The following RBFOX1 variants were observed in gnomAD, a reference collection of about 807,000 sequenced individuals.
RBFOX1 encodes RNA binding protein fox-1 homolog 1.
RBFOX1 carries 8 observed loss-of-function variants against 57.7 expected under a neutral mutation model. The observed-to-expected ratio is 0.14, with a 90% CI of 0.08 to 0.25. RBFOX1 has a LOEUF of 0.25. RBFOX1 is among the 10% of genes least tolerant of loss of function. RBFOX1 has a pLI of 1.00. For synonymous variants in RBFOX1, 326 were observed against 222.4 expected (o/e 1.47, Z -4.15); for missense variants, 611 against 548.5 (o/e 1.11, Z -1.14).
At chr16:6,487,351 G>T (rs117776025) in intron 2 of RBFOX1, among the ~76,000 whole-genome samples, 415 of 152,052 alleles carry the variant, frequency 2.7e-3, no homozygotes, top group Middle Eastern at 6.8e-3. Flanking sequence ...TGTTCTTTCT[G>T]TTGAGGTGCT....
At chr16:5,436,515 T>C (rs1335159588) in intron 1 of RBFOX1, among the ~76,000 whole-genome samples, 1 of 152,192 alleles carries the variant, frequency 6.6e-6, no homozygotes, top group Non-Finnish European at 1.5e-5. Context: ...CTTTTTTACA[T>C]CTAAAACAGA....
At chr16:5,510,687 T>C (rs938894116) in intron 2 of RBFOX1, among the ~76,000 whole-genome samples, 1 of 152,134 alleles carries the variant, frequency 6.6e-6, no homozygotes, top group African/African-American at 2.4e-5. Context: ...AGCTACTGCA[T>C]TTAAAGCTCT....
At chr16:5,464,059 G>C (rs1311003458) in intron 1 of RBFOX1, among the ~76,000 whole-genome samples, 1 of 152,202 alleles carries the variant, frequency 6.6e-6, no homozygotes, top group Non-Finnish European at 1.5e-5. Flanking sequence ...GAGGGAATCA[G>C]GAGGTGCCAG....
chr16:6,360,510 C>G (rs1489005382), intron 2 of RBFOX1, among the ~76,000 whole-genome samples: 2 of 152,146 alleles, frequency 1.3e-5, no homozygotes, highest in Non-Finnish European at 2.9e-5. Context: ...TTATAGTTGA[C>G]ATTTACACAG....
intron 1 of RBFOX1, among the ~76,000 whole-genome samples, chr16:5,347,448 G>A (rs1234529444): frequency 1.3e-5 from 2 of 152,072 alleles, no homozygotes; most frequent in Non-Finnish European, 2.9e-5. Flanking sequence ...AAATGACAAA[G>A]CACTAAATAA....
intron 1 of RBFOX1, among the ~76,000 whole-genome samples, chr16:5,284,296 G>A (rs544512766): frequency 2.6e-5 from 4 of 152,252 alleles, no homozygotes; most frequent in South Asian, 2.1e-4. Context: ...TAATACACCC[G>A]TGTTCCTTTT....
chr16:6,075,332 A>G (rs1310288542), intron 1 of RBFOX1, among the ~76,000 whole-genome samples: 3 of 152,186 alleles, frequency 2.0e-5, no homozygotes, highest in Non-Finnish European at 2.9e-5. Context: ...AGAAATACTC[A>G]TTTATTCATC....
chr16:6,538,497 A>C (rs1485759141), intron 2 of RBFOX1, among the ~76,000 whole-genome samples: 1 of 152,194 alleles, frequency 6.6e-6, no homozygotes, highest in African/African-American at 2.4e-5. Context: ...ATCTCAAAAC[A>C]AAAAAGCAAA....
chr16:7,686,976 T>C (rs932072928), intron 14 of RBFOX1, among the ~76,000 whole-genome samples: 4 of 152,118 alleles, frequency 2.6e-5, no homozygotes, highest in Non-Finnish European at 4.4e-5. Flanking sequence ...ACAGACCTTA[T>C]CTTCTTTCTG....
intron 1 of RBFOX1, among the ~76,000 whole-genome samples, chr16:6,269,643 C>T (rs1286676609): frequency 1.3e-5 from 2 of 152,044 alleles, no homozygotes; most frequent in Non-Finnish European, 2.9e-5. Context: ...GTGAAAATCT[C>T]CTTCGGAGAT....
intron 2 of RBFOX1, among the ~76,000 whole-genome samples, chr16:5,512,563 C>T (rs2043639955): frequency 6.6e-6 from 1 of 152,176 alleles, no homozygotes; most frequent in African/African-American, 2.4e-5. Flanking sequence ...AGCTCTGTGA[C>T]CTAGGGCAAT....
At chr16:6,878,502 G>A (rs1411303719) in intron 3 of RBFOX1, among the ~76,000 whole-genome samples, 2 of 152,168 alleles carry the variant, frequency 1.3e-5, no homozygotes, top group African/African-American at 4.8e-5. Context: ...ATATGAGCAA[G>A]AAATAAACTT....
intron 3 of RBFOX1, among the ~76,000 whole-genome samples, chr16:6,696,881 A>T (rs1403045579): frequency 6.6e-6 from 1 of 152,220 alleles, no homozygotes; most frequent in East Asian, 1.9e-4. Context: ...TTACTAAAGC[A>T]CATGTTTAAG....
intron 4 of RBFOX1, among the ~76,000 whole-genome samples, chr16:7,214,597 A>G (rs1183194721): frequency 1.3e-5 from 2 of 152,054 alleles, no homozygotes; most frequent in Admixed American, 1.3e-4. Context: ...GTCTGCAGCC[A>G]GAGTAATAAC....
rs796114360 is a variant in RBFOX1 at position 5,633,164 on chromosome 16, C to G, written c.318+34203C>G. ...ATATTGGCCAGGCTGGTCTCGAACT[C>G]CTGACCTCGTGATCCAGCTGCCTCG... On this transcript the variant is annotated intron_variant, in intron 3 of 19. Transcript: ENST00000641259. 4.6e-4 allele frequency among the ~76,000 whole-genome samples: 70 copies of G among 152,144 alleles called. 1 individual carries two copies. Among genetic ancestry groups the G allele is most frequent in the African/African-American group, 1.5e-3 (64 of 41,514 alleles).
intron 4 of RBFOX1, among the ~76,000 whole-genome samples, chr16:7,448,500 T>A (rs2098825762): frequency 6.6e-6 from 1 of 152,134 alleles, no homozygotes; most frequent in Non-Finnish European, 1.5e-5. Context: ...TCAGCTCTCA[T>A]AAGACTAACT....
At chr16:5,335,060 C>G (rs148864745) in intron 1 of RBFOX1, among the ~76,000 whole-genome samples, 5 of 152,236 alleles carry the variant, frequency 3.3e-5, no homozygotes, top group South Asian at 2.1e-4. Flanking sequence ...AAAGTTGTTT[C>G]AATTTCTGTG....
At chr16:6,856,840 G>A (rs1297780190) in intron 3 of RBFOX1, among the ~76,000 whole-genome samples, 12 of 152,060 alleles carry the variant, frequency 7.9e-5, no homozygotes, top group Admixed American at 7.9e-4. Flanking sequence ...CTGATTGACA[G>A]ATCCCTTAAT....
At chr16:6,972,377 T>G (rs2085771998) in intron 3 of RBFOX1, among the ~76,000 whole-genome samples, 1 of 152,148 alleles carries the variant, frequency 6.6e-6, no homozygotes, top group Non-Finnish European at 1.5e-5. Context: ...TTATATCACT[T>G]AGCATAATGT....
Sources: gnomAD v4.1 joint callset for allele counts (sites outside exome capture counted in the v4.1 genomes callset) on GRCh38, gnomAD v4.1.1 for gene constraint, MANE v1.5 for transcripts, NCBI Gene and HGNC (gene_info 2026-07-23, HGNC 2026-07-21) for gene names.